C10orf143: variants seen among roughly 807,000 people sequenced by gnomAD.
C10orf143 encodes uncharacterized protein C10orf143.
At chr10:130,062,457 A>G (rs1462609953), downstream of C10orf143, among the ~76,000 whole-genome samples, 2 of 152,122 alleles carry the variant, frequency 1.3e-5, no homozygotes, top group African/African-American at 2.4e-5. Flanking sequence ...ATGTGGAAAG[A>G]CTAGACTGGC....
chr10:130,076,630 C>A (rs1346806215), intron 3 of C10orf143, among the ~76,000 whole-genome samples: 1 of 152,142 alleles, frequency 6.6e-6, no homozygotes. Context: ...CAGTTCTCTG[C>A]CTTATAAGCC....
At chr10:130,075,625 T>TCCC (rs1861103084) in intron 3 of C10orf143, among the ~76,000 whole-genome samples, 1 of 152,148 alleles carries the variant, frequency 6.6e-6, no homozygotes, top group Non-Finnish European at 1.5e-5. Flanking sequence ...CGGCTCTGTG[T>TCCC]CCCCACCCAA....
At chr10:130,103,145 A>C (rs1481620804) in intron 1 of C10orf143, among the ~76,000 whole-genome samples, 2 of 151,860 alleles carry the variant, frequency 1.3e-5, no homozygotes, top group Non-Finnish European at 2.9e-5. Flanking sequence ...CGCCCAGCTA[A>C]TTCTGTATTT....
chr10:130,080,185 T>C (rs1187500961), intron 1 of C10orf143, among the ~76,000 whole-genome samples: 1 of 152,240 alleles, frequency 6.6e-6, no homozygotes, highest in Non-Finnish European at 1.5e-5. Context: ...TAAACTATGG[T>C]GACTGGTTTA....
intron 1 of C10orf143, among the ~76,000 whole-genome samples, chr10:130,090,495 C>A (rs1367711136): frequency 1.3e-5 from 2 of 152,144 alleles, no homozygotes; most frequent in Admixed American, 1.3e-4. Context: ...GCCATTTGGG[C>A]AGACACCAAG....
rs117278889 is a variant in C10orf143, at chr10:130,039,561, G to A, written c.298-3591C>T. Among the ~76,000 whole-genome samples the A allele has an allele frequency of 4.5e-3, 684 of 152,306 alleles. 2 individuals are homozygous for A. The highest frequency in any genetic ancestry group is 0.013 in the Admixed American group (197 of 15,302). The stretch of plus-strand genomic sequence containing the variant: ...ACTGATCTCATGAGTGTTTCATGCA[G>A]TCTCCTGATTTCAAGGCCTTTTCCA... On this transcript the variant is annotated intron_variant and NMD_transcript_variant, in intron 3 of 5. Transcript: ENST00000643056.
chr10:130,074,973 TGCACACACAC>T (rs916286733), intron 3 of C10orf143, among the ~76,000 whole-genome samples: 1 of 151,640 alleles, frequency 6.6e-6, no homozygotes, highest in Non-Finnish European at 1.5e-5. Flanking sequence ...GACACACACA[TGCACACACAC>T]CATATATACC....
chr10:130,063,097 T>C (rs921203956), downstream of C10orf143, among the ~76,000 whole-genome samples: 2 of 152,156 alleles, frequency 1.3e-5, no homozygotes, highest in East Asian at 3.9e-4. Context: ...AGCGGGGGCA[T>C]TTTCCTTGGG....
chr10:130,043,461 C>A (rs1034531564), intron 3 of C10orf143, among the ~76,000 whole-genome samples: 3 of 152,060 alleles, frequency 2.0e-5, no homozygotes, highest in Non-Finnish European at 4.4e-5. Flanking sequence ...GGGAAAAAGC[C>A]CCGCCCCTCT....
Position 130,078,251 on chromosome 10 carries a change from C to A in C10orf143, c.297+1315G>T, listed in dbSNP as rs577402303. Among the ~76,000 whole-genome samples, 10 of 152,128 alleles carry A rather than the reference C, an allele frequency of 6.6e-5. No individual in the cohort carries two copies. In the South Asian group the frequency reaches 2.1e-3, roughly 32 times the overall value. ...CATGCCAGAACACAAGCTCTCAAAG[C>A]AGTAAGAATCTGTACTACATTCCAA... On this transcript the variant is annotated intron_variant, in intron 3 of 3. Transcript: ENST00000637128.
chr10:130,090,827 C>T (rs1389557077), intron 1 of C10orf143, among the ~76,000 whole-genome samples: 1 of 152,144 alleles, frequency 6.6e-6, no homozygotes, highest in African/African-American at 2.4e-5. Context: ...TGGAGCCCAC[C>T]ACAGTTTGAC....
At chr10:130,061,392 C>T (rs1030780834), downstream of C10orf143, among the ~76,000 whole-genome samples, 1 of 152,074 alleles carries the variant, frequency 6.6e-6, no homozygotes, top group Non-Finnish European at 1.5e-5. Context: ...GGAGGAAAAA[C>T]ATGTCAAATG....
intron 3 of C10orf143, among the ~76,000 whole-genome samples, chr10:130,050,283 G>C (rs1054391676): frequency 1.3e-5 from 2 of 152,252 alleles, no homozygotes; most frequent in Non-Finnish European, 2.9e-5. Context: ...ATTAAGAATA[G>C]GTTCAGCTGG....
chr10:130,083,861 T>C (rs1861246938), intron 1 of C10orf143, among the ~76,000 whole-genome samples: 1 of 129,154 alleles, frequency 7.7e-6, no homozygotes, highest in Non-Finnish European at 1.7e-5. Flanking sequence ...AGCACCAGAG[T>C]AACATTTCAC....
chr10:130,059,687 C>T (rs1001911712), downstream of C10orf143, among the ~76,000 whole-genome samples: 4 of 151,896 alleles, frequency 2.6e-5, no homozygotes, highest in African/African-American at 4.8e-5. Context: ...ATATAATTAG[C>T]GAAATCAGCA....
At chr10:130,044,069 AAGG>A (rs1468764763) in intron 3 of C10orf143, among the ~76,000 whole-genome samples, 13 of 152,004 alleles carry the variant, frequency 8.6e-5, no homozygotes, top group African/African-American at 3.1e-4. Flanking sequence ...GATGGTAAAG[AAGG>A]AGAAGACTTT....
chr10:130,042,740 T>C (rs2134723896), intron 3 of C10orf143, among the ~76,000 whole-genome samples: 1 of 152,314 alleles, frequency 6.6e-6, no homozygotes, highest in African/African-American at 2.4e-5. Flanking sequence ...GGAGAGCCTA[T>C]ATTCGTATAG....
rs573019410 is a variant in C10orf143 at position 130,042,807 on chromosome 10, G to A, written c.298-6837C>T. Among the ~76,000 whole-genome samples the A allele has an allele frequency of 4.6e-5, 7 of 152,376 alleles. 1 individual carries two copies. The South Asian group carries it at 1.4e-3, about 32-fold the overall frequency. On this transcript the variant is annotated intron_variant and NMD_transcript_variant, in intron 3 of 5. Coordinates refer to the C10orf143 transcript ENST00000643056. The stretch of plus-strand genomic sequence containing the variant: ...AAGTAGGGAAAGCAACGCTTGGAAA[G>A]GAGGTGGGCCGTCACGGCTTGGAGG...
chr10:130,059,808 C>T (rs1369504297), downstream of C10orf143, among the ~76,000 whole-genome samples: 3 of 152,082 alleles, frequency 2.0e-5, no homozygotes, highest in Non-Finnish European at 2.9e-5. Context: ...GGCCCTGATT[C>T]GGATCCCAAT....
Sources: gnomAD v4.1 joint callset for allele counts (sites outside exome capture counted in the v4.1 genomes callset) on GRCh38, gnomAD v4.1.1 for gene constraint, MANE v1.5 for transcripts, NCBI Gene and HGNC (gene_info 2026-07-23, HGNC 2026-07-21) for gene names.